The following TMED8 variants were observed in gnomAD, a reference collection of about 807,000 sequenced individuals.
The protein encoded by TMED8 is transmembrane p24 trafficking protein family member 8, also known as protein TMED8.
In TMED8, 15 loss-of-function variants were observed where a neutral mutation model predicts 32.7. The observed-to-expected ratio is 0.46, with a 90% CI of 0.31 to 0.71. The LOEUF (loss-of-function observed/expected upper bound fraction) is 0.71, where lower values mean the gene tolerates loss of function less well. TMED8 is among the 30% of genes least tolerant of loss of function. The pLI, the probability that TMED8 is intolerant of heterozygous loss-of-function variation, is 0.06. For missense variants in TMED8, 390 were observed against 423.9 expected, an observed-to-expected ratio of 0.92 and a Z score of 0.70; for synonymous variants, 147 against 161.4, an observed-to-expected ratio of 0.91 and a Z score of 0.68.
At chr14:77,344,104 C>T (rs1359027194) in intron 3 of TMED8, among the ~76,000 whole-genome samples, 2 of 152,234 alleles carry the variant, frequency 1.3e-5, no homozygotes, top group African/African-American at 2.4e-5. Context: ...TCCGCCAACA[C>T]CCTCGCAGGT....
rs1418603187 is a variant in TMED8, at chr14:77,338,472, C to A, written c.*3299G>T. The A allele has an allele frequency of 6.6e-6, 1 of 152,206 alleles. No individual in the cohort carries two copies. The highest frequency in any genetic ancestry group is 2.4e-5 in the African/African-American group (1 of 41,456). 9.4% of individuals were successfully genotyped at this position (152,206 alleles called of 1,614,324 possible). A position where few individuals can be genotyped will look rare whatever the true frequency, so the allele number is the denominator to read the frequency against. ...TTAACTTAAGCTGACTTCATCTTTTCAGGTAAAGTTTAACTCTCTCAACCA... is the reference window on the plus strand; with the variant it reads ...TTAACTTAAGCTGACTTCATCTTTTAAGGTAAAGTTTAACTCTCTCAACCA... On this transcript the variant is annotated 3_prime_UTR_variant, in exon 6 of 6. Transcript: ENST00000216468.
In TMED8 at chr14:77,341,888, G is replaced by A. The variant is rs746097224; in HGVS notation, c.861C>T (p.Asp287=). The change falls in exon 6 of 6, where the codon GAC becomes GAT. Residue 287 remains aspartate (D), a synonymous_variant. Coordinates refer to ENST00000216468, the MANE Select transcript of TMED8 (RefSeq NM_213601.3). The part of the protein sequence containing the change: ...MPVYRRDSHR[D]VQAGSHDYPG... ...GGTAGTCATGGCTGCCAGCCTGCACGTCTCGGTGGCTGTCCCGCCGGTACA... is the reference window on the plus strand; with the variant it reads ...GGTAGTCATGGCTGCCAGCCTGCACATCTCGGTGGCTGTCCCGCCGGTACA... The A allele has an allele frequency of 1.9e-5, 30 of 1,613,932 alleles. No individual in the cohort carries two copies. Among genetic ancestry groups the A allele is most frequent in the Middle Eastern group, 3.3e-4 (2 of 6,084 alleles).
At chr14:77,368,763 C>T (rs1893611319) in intron 1 of TMED8, among the ~76,000 whole-genome samples, 1 of 152,222 alleles carries the variant, frequency 6.6e-6, no homozygotes, top group Admixed American at 6.5e-5. Flanking sequence ...GCATGAGCCA[C>T]CAAGCCCAGT....
chr14:77,366,130 G>T (rs902573808), intron 1 of TMED8, among the ~76,000 whole-genome samples: 3 of 152,166 alleles, frequency 2.0e-5, no homozygotes, highest in African/African-American at 7.2e-5. Context: ...AGGATAACTA[G>T]GTATGTCCAT....
At chr14:77,360,667 A>AT (rs1485823795) in intron 1 of TMED8, among the ~76,000 whole-genome samples, 1 of 152,212 alleles carries the variant, frequency 6.6e-6, no homozygotes, top group Non-Finnish European at 1.5e-5. Flanking sequence ...ATGAACAGGT[A>AT]TCTGAGGCGG....
chr14:77,361,482 T>C (rs961906469), intron 1 of TMED8, among the ~76,000 whole-genome samples: 5 of 152,232 alleles, frequency 3.3e-5, no homozygotes, highest in African/African-American at 1.2e-4. Context: ...TAGCTTTTAA[T>C]AGAATTTGAA....
rs1195059214 is a variant in TMED8 at position 77,337,589 on chromosome 14, CTA to C, written c.*4180_*4181del. 4 of 152,214 alleles carry C rather than the reference CTA, an allele frequency of 2.6e-5. No individual in the cohort carries two copies. The highest frequency in any genetic ancestry group is 5.9e-5 in the Non-Finnish European group (4 of 68,056). 9.4% of individuals were successfully genotyped at this position (152,214 alleles called of 1,614,324 possible). On this transcript the variant is annotated 3_prime_UTR_variant, in exon 6 of 6. Coordinates refer to ENST00000216468, the MANE Select transcript of TMED8 (RefSeq NM_213601.3). ...TATTTTTAGTAGCGACGGAGTTTCACTATGTTGGCCAGGCTGGTCTCGAACTC... is the reference window on the plus strand; with the variant it reads ...TATTTTTAGTAGCGACGGAGTTTCACTGTTGGCCAGGCTGGTCTCGAACTC...
intron 1 of TMED8, among the ~76,000 whole-genome samples, chr14:77,352,776 C>G (rs1360362385): frequency 6.6e-6 from 1 of 151,970 alleles, no homozygotes; most frequent in African/African-American, 2.4e-5. Context: ...AAATCATATT[C>G]CTCAGAAAGC....
intron 2 of TMED8, among the ~76,000 whole-genome samples, chr14:77,346,903 C>T (rs1040629047): frequency 6.6e-6 from 1 of 151,304 alleles, no homozygotes; most frequent in East Asian, 1.9e-4. Flanking sequence ...AGCTAATTAA[C>T]ATATCCATCC....
At position 77,338,702 on chromosome 14, in the gene TMED8, G is replaced by A. The variant is rs912629079; in HGVS notation, c.*3069C>T. 6 of 152,218 alleles carry A rather than the reference G, an allele frequency of 3.9e-5. No homozygotes were observed. The highest frequency in any genetic ancestry group is 1.4e-4 in the African/African-American group (6 of 41,448). 9.4% of individuals were successfully genotyped at this position (152,218 alleles called of 1,614,324 possible). A position where few individuals can be genotyped will look rare whatever the true frequency, so the allele number is the denominator to read the frequency against. On this transcript the variant is annotated 3_prime_UTR_variant, in exon 6 of 6. Transcript: ENST00000216468. ...TAAGAACCTCCTGAGGCCCCATCAT[G>A]GGCTCTGAACCTTGGCAAAATAAAC...
At chr14:77,360,973 CTTT>C (rs71128616) in intron 1 of TMED8, among the ~76,000 whole-genome samples, 7 of 85,456 alleles carry the variant, frequency 8.2e-5, no homozygotes, top group African/African-American at 1.5e-4. Flanking sequence ...GATCCTTTGC[CTTT>C]TTTTTTTTTT....
Position 77,377,063 on chromosome 14 carries a change from G to A in TMED8, c.-10C>T. The A allele has an allele frequency of 1.5e-6, 2 of 1,343,968 alleles. No homozygotes were observed. The highest frequency in any genetic ancestry group is 1.9e-6 in the Non-Finnish European group (2 of 1,048,436). 83.3% of individuals were successfully genotyped at this position (1,343,968 alleles called of 1,614,324 possible). A position where few individuals can be genotyped will look rare whatever the true frequency, so the allele number is the denominator to read the frequency against. On this transcript the variant is annotated 5_prime_UTR_variant, in exon 1 of 6. Transcript: ENST00000216468. ...CCTGCAGGTCAGACATCTGCAGCCC[G>A]CGCACGGAGCTCTCCGCTGCCAGCC...
At chr14:77,345,110 C>G (rs1304925686) in intron 3 of TMED8, among the ~76,000 whole-genome samples, 2 of 152,320 alleles carry the variant, frequency 1.3e-5, no homozygotes, top group East Asian at 1.9e-4. Context: ...GCCTCAGCCT[C>G]CCGAGTAGCT....
rs1892840207 is a variant in TMED8, at chr14:77,339,407, T to G, written c.*2364A>C. On this transcript the variant is annotated 3_prime_UTR_variant, in exon 6 of 6. Coordinates refer to ENST00000216468, the MANE Select transcript of TMED8 (RefSeq NM_213601.3). Reference sequence around the variant, plus strand: ...AACAGAACTAGGATTCCAAAGAAAATAAGCAGAGAATCTCATGGTGAAAAT... The same window carrying G: ...AACAGAACTAGGATTCCAAAGAAAAGAAGCAGAGAATCTCATGGTGAAAAT... The G allele has an allele frequency of 6.6e-6, 1 of 152,108 alleles. No individual in the cohort carries two copies. Among genetic ancestry groups the G allele is most frequent in the Admixed American group, 6.5e-5 (1 of 15,272 alleles). 9.4% of individuals were successfully genotyped at this position (152,108 alleles called of 1,614,324 possible). A position where few individuals can be genotyped will look rare whatever the true frequency, so the allele number is the denominator to read the frequency against.
intron 1 of TMED8, among the ~76,000 whole-genome samples, chr14:77,366,545 G>C (rs779559998): frequency 2.0e-5 from 3 of 152,104 alleles, no homozygotes; most frequent in Non-Finnish European, 4.4e-5. Context: ...AAGACAGCCA[G>C]AATTAACTTA....
Position 77,335,588 on chromosome 14 carries a change from C to T in TMED8, c.*6183G>A, listed in dbSNP as rs1428254698. The T allele has an allele frequency of 6.6e-6, 1 of 152,164 alleles. No individual in the cohort carries two copies. The highest frequency in any genetic ancestry group is 1.5e-5 in the Non-Finnish European group (1 of 68,018). 9.4% of individuals were successfully genotyped at this position (152,164 alleles called of 1,614,324 possible). A position where few individuals can be genotyped will look rare whatever the true frequency, so the allele number is the denominator to read the frequency against. On this transcript the variant is annotated 3_prime_UTR_variant, in exon 6 of 6. Transcript: ENST00000216468. Reference sequence around the variant, plus strand: ...CCTTCAGAAAATAGAAGCTAAATGACATAAAGTAGTTTGGAAAATCTTCAA... The same window carrying T: ...CCTTCAGAAAATAGAAGCTAAATGATATAAAGTAGTTTGGAAAATCTTCAA...
chr14:77,342,353 G>A (rs946183277), intron 5 of TMED8, among the ~76,000 whole-genome samples: 2 of 152,138 alleles, frequency 1.3e-5, no homozygotes, highest in South Asian at 2.1e-4. Flanking sequence ...AAAAGATCCC[G>A]ATATTCTATC....
At chr14:77,345,254 TG>T (rs1393194644) in intron 3 of TMED8, among the ~76,000 whole-genome samples, 1 of 152,224 alleles carries the variant, frequency 6.6e-6, no homozygotes, top group Non-Finnish European at 1.5e-5. Context: ...CCCAAAGTGC[TG>T]GGATTACAGG....
At chr14:77,348,859 G>C (rs901425296) in intron 2 of TMED8, among the ~76,000 whole-genome samples, 1 of 152,190 alleles carries the variant, frequency 6.6e-6, no homozygotes, top group Non-Finnish European at 1.5e-5. Context: ...CCAAGAATCA[G>C]AGCTGTGGGA....
Sources: allele counts gnomAD v4.1 joint callset (sites outside exome capture counted in the v4.1 genomes callset), GRCh38; gene constraint gnomAD v4.1.1; transcripts MANE v1.5; gene names NCBI Gene and HGNC (gene_info 2026-07-23, HGNC 2026-07-21).